Variants in RCSD1 observed in about 807,000 individuals in gnomAD.
RCSD1 encodes RCSD domain containing 1.
In RCSD1, 26 loss-of-function variants were observed where a neutral mutation model predicts 42.5. That is an observed-to-expected ratio of 0.61 (90% CI 0.45 to 0.85). The LOEUF (loss-of-function observed/expected upper bound fraction) is 0.85, where lower values mean the gene tolerates loss of function less well. RCSD1 is among the 40% of genes least tolerant of loss of function. RCSD1 has a pLI of 0.00. For missense variants in RCSD1, 571 were observed against 528.3 expected (o/e 1.08, Z -0.79); for synonymous variants, 220 against 212.2 (o/e 1.04, Z -0.32).
At chr1:167,690,588 C>T (rs1290731702) in intron 4 of RCSD1, among the ~76,000 whole-genome samples, 2 of 152,106 alleles carry the variant, frequency 1.3e-5, no homozygotes, top group South Asian at 2.1e-4. Flanking sequence ...GTGAGAGGAT[C>T]GCTTGGGCCC....
At chr1:167,656,261 T>C (rs1308791055) in intron 1 of RCSD1, among the ~76,000 whole-genome samples, 1 of 152,172 alleles carries the variant, frequency 6.6e-6, no homozygotes, top group African/African-American at 2.4e-5. Flanking sequence ...TTCTATGACA[T>C]AATCCTCCCT....
At chr1:167,684,652 A>T (rs1659178083) in intron 2 of RCSD1, among the ~76,000 whole-genome samples, 2 of 152,148 alleles carry the variant, frequency 1.3e-5, no homozygotes, top group South Asian at 4.2e-4. Flanking sequence ...AGGCAGGCAG[A>T]TCACTTAAGG....
intron 1 of RCSD1, among the ~76,000 whole-genome samples, chr1:167,653,025 G>A (rs982618559): frequency 8.5e-5 from 13 of 152,340 alleles, no homozygotes; most frequent in African/African-American, 2.9e-4. Context: ...TCTCAAAACA[G>A]AGTAGAATTA....
rs1396469455 is a variant in RCSD1, at chr1:167,708,342, C to G, written c.*3646C>G. On this transcript the variant is annotated 3_prime_UTR_variant, in exon 7 of 7. Coordinates refer to ENST00000367854, the MANE Select transcript of RCSD1 (RefSeq NM_052862.4). ...GGGCAAAACCTGAAACACCCAATTA[C>G]TATCCCATTGTTTGCTTCAAAATTA... Among the ~76,000 whole-genome samples, 2 of 152,196 alleles carry G rather than the reference C, an allele frequency of 1.3e-5. No homozygotes were observed.
chr1:167,703,262 C>T lies in RCSD1; in HGVS notation c.1219-1402C>T, dbSNP rs79877389. Among the ~76,000 whole-genome samples, 16 of 152,264 alleles carry T rather than the reference C, an allele frequency of 1.1e-4. No individual in the cohort carries two copies. The East Asian group carries it at 2.5e-3, about 24-fold the overall frequency. On this transcript the variant is annotated intron_variant, in intron 6 of 6. Transcript: ENST00000367854. ...CACATTAACTGTCCTTGCCAGAGAT[C>T]CCTCTGTCTCTCCTCCTTTTCCCCT...
intron 1 of RCSD1, among the ~76,000 whole-genome samples, chr1:167,669,891 C>CG (rs1261372040): frequency 6.6e-6 from 1 of 152,230 alleles, no homozygotes; most frequent in East Asian, 1.9e-4. Context: ...GGATGCAGAC[C>CG]GGGGGCTGGG....
At chr1:167,637,730 CCACACACACACACA>C (rs66925392) in intron 1 of RCSD1, among the ~76,000 whole-genome samples, 4 of 146,742 alleles carry the variant, frequency 2.7e-5, no homozygotes, top group Non-Finnish European at 4.5e-5. Context: ...TAGGAATAGA[CCACACACACACACA>C]CACACACACA....
At chr1:167,691,150 T>A (rs1659366757) in intron 4 of RCSD1, among the ~76,000 whole-genome samples, 1 of 152,154 alleles carries the variant, frequency 6.6e-6, no homozygotes, top group Non-Finnish European at 1.5e-5. Flanking sequence ...CACGGCAAGA[T>A]GTTCAGCAGC....
intron 1 of RCSD1, among the ~76,000 whole-genome samples, chr1:167,656,720 T>C (rs1658433142): frequency 6.6e-6 from 1 of 152,166 alleles, no homozygotes; most frequent in Non-Finnish European, 1.5e-5. Context: ...CTAAAGGCAC[T>C]GGAGTTAGCA....
chr1:167,695,310 C>T (rs1392610696), intron 5 of RCSD1, among the ~76,000 whole-genome samples: 2 of 152,222 alleles, frequency 1.3e-5, no homozygotes, highest in African/African-American at 4.8e-5. Context: ...AGGCTTCAGC[C>T]TTCTGACAGC....
intron 6 of RCSD1, among the ~76,000 whole-genome samples, chr1:167,699,015 A>G (rs894777574): frequency 5.9e-5 from 9 of 151,462 alleles, no homozygotes; most frequent in Non-Finnish European, 1.2e-4. Context: ...AGCCAGGATG[A>G]TCTCGATCTC....
At chr1:167,635,410 A>G (rs960596416) in intron 1 of RCSD1, among the ~76,000 whole-genome samples, 1 of 152,096 alleles carries the variant, frequency 6.6e-6, no homozygotes, top group Non-Finnish European at 1.5e-5. Context: ...GACAGGGGGA[A>G]TTTGGGGAGT....
intron 1 of RCSD1, among the ~76,000 whole-genome samples, chr1:167,682,820 C>A (rs1659114581): frequency 6.6e-6 from 1 of 152,132 alleles, no homozygotes; most frequent in African/African-American, 2.4e-5. Context: ...CCCAAATCCT[C>A]CCATTTTCAG....
chr1:167,653,951 T>C (rs947625218), intron 1 of RCSD1, among the ~76,000 whole-genome samples: 8 of 152,148 alleles, frequency 5.3e-5, no homozygotes, highest in African/African-American at 1.9e-4. Context: ...GGCCTGGAAT[T>C]GGACTGCCAG....
At chr1:167,671,209 C>T (rs139610860) in intron 1 of RCSD1, among the ~76,000 whole-genome samples, 132 of 152,298 alleles carry the variant, frequency 8.7e-4, no homozygotes, top group African/African-American at 2.9e-3. Context: ...CATCTTGAAG[C>T]CATTCCTTTA....
At position 167,708,556 on chromosome 1, in the gene RCSD1, C is replaced by CATT. The variant is rs1659813508; in HGVS notation, c.*3864_*3866dup. 6.6e-6 allele frequency among the ~76,000 whole-genome samples: 1 copy of CATT among 152,180 alleles called. No homozygotes were observed. Among genetic ancestry groups the CATT allele is most frequent in the Non-Finnish European group, 1.5e-5 (1 of 68,030 alleles). On this transcript the variant is annotated 3_prime_UTR_variant, in exon 7 of 7. Coordinates refer to ENST00000367854, the MANE Select transcript of RCSD1 (RefSeq NM_052862.4). ...ATAAGCCACCCAAGAAAATCAGTCT[C>CATT]ATTATTTTATGTAATAATGTATTAC...
chr1:167,674,761 G>A lies in RCSD1; in HGVS notation c.7-9139G>A, dbSNP rs184792568. ...TTGTGATGGGCTTCTTTCACTTAGC[G>A]TAATGTTTTCAAGGTTTATCACATT... On this transcript the variant is annotated intron_variant, in intron 1 of 6. Coordinates refer to ENST00000367854, the MANE Select transcript of RCSD1 (RefSeq NM_052862.4). Among the ~76,000 whole-genome samples the A allele has an allele frequency of 3.3e-4, 51 of 152,260 alleles. 1 individual carries two copies. The highest frequency in any genetic ancestry group is 1.4e-3 in the Admixed American group (22 of 15,306).
At chr1:167,647,152 G>T (rs573904441) in intron 1 of RCSD1, among the ~76,000 whole-genome samples, 1 of 129,682 alleles carries the variant, frequency 7.7e-6, no homozygotes, top group South Asian at 2.6e-4. Context: ...GAGAGAGAAG[G>T]GGGTAGAGGC....
chr1:167,686,253 AC>A (rs1248546398), intron 3 of RCSD1, among the ~76,000 whole-genome samples: 2 of 152,168 alleles, frequency 1.3e-5, no homozygotes, highest in Admixed American at 6.5e-5. Flanking sequence ...TGGGAGGCCA[AC>A]CCCAAAATAC....
Sources: allele counts gnomAD v4.1 joint callset (sites outside exome capture counted in the v4.1 genomes callset), GRCh38; gene constraint gnomAD v4.1.1; transcripts MANE v1.5; gene names NCBI Gene and HGNC (gene_info 2026-07-23, HGNC 2026-07-21).